Variants in CHEK2 observed in about 807,000 individuals in gnomAD.
The protein encoded by CHEK2 is serine/threonine-protein kinase Chk2.
In CHEK2, 71 loss-of-function variants were observed where a neutral mutation model predicts 69.1. The observed-to-expected ratio is 1.03, with a 90% CI of 0.85 to 1.25. CHEK2 has a LOEUF of 1.25. Ranked by LOEUF, CHEK2 falls within the 50% of genes most tolerant of loss-of-function variation. The pLI is 0.00. For missense variants in CHEK2, 664 were observed against 649.6 expected, an observed-to-expected ratio of 1.02 and a Z score of -0.24; for synonymous variants, 189 against 226.9, an observed-to-expected ratio of 0.83 and a Z score of 1.50.
At position 28,704,162 on chromosome 22, in the gene CHEK2, A is replaced by ACC. The variant is rs1491587653; in HGVS notation, c.847-598_847-597dup. On this transcript the variant is annotated intron_variant, in intron 7 of 14. Coordinates refer to ENST00000404276, the MANE Select transcript of CHEK2 (RefSeq NM_007194.4). The stretch of plus-strand genomic sequence containing the variant: ...CACACACACACACACACACACACAC[A>ACC]CCTATGGCTGATAGTTCATGACCAC... Among the ~76,000 whole-genome samples the ACC allele has an allele frequency of 2.4e-3, 337 of 138,702 alleles. 2 individuals are homozygous for ACC. Among genetic ancestry groups the ACC allele is most frequent in the Non-Finnish European group, 5.7e-4 (36 of 63,164 alleles). 91.0% of individuals were successfully genotyped at this position (138,702 alleles called of 152,430 possible).
At chr22:28,692,236 T>C (rs2052393957) in intron 13 of CHEK2, among the ~76,000 whole-genome samples, 1 of 152,190 alleles carries the variant, frequency 6.6e-6, no homozygotes, top group African/African-American at 2.4e-5. Flanking sequence ...TACCTCTACA[T>C]TTAGACCCAA....
At chr22:28,722,122 G>A (rs993810811) in intron 4 of CHEK2, among the ~76,000 whole-genome samples, 1 of 152,046 alleles carries the variant, frequency 6.6e-6, no homozygotes, top group Non-Finnish European at 1.5e-5. Context: ...AGACCAATGA[G>A]AAGGTGGCAC....
chr22:28,693,051 G>A (rs894836640), intron 13 of CHEK2, among the ~76,000 whole-genome samples: 2 of 151,960 alleles, frequency 1.3e-5, no homozygotes, highest in African/African-American at 4.8e-5. Context: ...ACCCAGTCTT[G>A]GGCAGTTCTT....
intron 5 of CHEK2, among the ~76,000 whole-genome samples, chr22:28,718,172 G>GA (rs963727038): frequency 1.9e-4 from 29 of 152,148 alleles, no homozygotes; most frequent in African/African-American, 7.0e-4. Context: ...CATGATGTAT[G>GA]AAAAATGCTC....
rs2145749845 is a variant in CHEK2 at position 28,689,182 on chromosome 22, G to A, written c.1495C>T (p.Leu499=). 1 of 1,594,340 alleles carries A rather than the reference G, an allele frequency of 6.3e-7. No individual in the cohort carries two copies. The highest frequency in any genetic ancestry group is 2.2e-5 in the East Asian group (1 of 44,846). The change falls in exon 14 of 15, where the codon CTG becomes TTG. Residue 499 remains leucine, a synonymous_variant. Coordinates refer to ENST00000404276, the MANE Select transcript of CHEK2 (RefSeq NM_007194.4). ...EDMKRKFQDL[L]SEENESTALP... is the part of the protein sequence containing the mutation. ...GCTGTGGATTCATTTTCCTCAGACA[G>A]AAGATCTTGAAACTTTCTCTTCATG...
chr22:28,700,079 T>C (rs1190272031), intron 8 of CHEK2, 142 bp from the exon 9 acceptor site: 6 of 641,528 alleles, frequency 9.4e-6, no homozygotes, highest in Admixed American at 2.6e-5. Flanking sequence ...TTTTTAAAAC[T>C]AATAAGGTTT....
intron 2 of CHEK2, chr22:28,726,468 AATTT>A (rs1459441093): frequency 2.7e-5 from 4 of 146,336 alleles, no homozygotes; most frequent in Non-Finnish European, 6.0e-5. Context: ...ATGTTATATA[AATTT>A]ATTTTATAAG....
At chr22:28,717,685 G>A (rs950196526) in intron 5 of CHEK2, among the ~76,000 whole-genome samples, 6 of 152,012 alleles carry the variant, frequency 3.9e-5, no homozygotes, top group Admixed American at 6.6e-5. Flanking sequence ...GACCAGCCAG[G>A]CCAACATGGT....
At chr22:28,692,339 T>C (rs959606786) in intron 13 of CHEK2, among the ~76,000 whole-genome samples, 4 of 152,206 alleles carry the variant, frequency 2.6e-5, no homozygotes, top group African/African-American at 9.6e-5. Flanking sequence ...GCACCCTTTG[T>C]TTCCAAACCC....
At chr22:28,734,173 G>A (rs1601850290) in intron 2 of CHEK2, among the ~76,000 whole-genome samples, 2 of 152,146 alleles carry the variant, frequency 1.3e-5, no homozygotes, top group African/African-American at 2.4e-5. Flanking sequence ...CAAGGGCTCT[G>A]CAGCCACTTG....
chr22:28,736,689 C>G (rs570797311), intron 1 of CHEK2, among the ~76,000 whole-genome samples: 1 of 152,262 alleles, frequency 6.6e-6, no homozygotes, highest in East Asian at 1.9e-4. Flanking sequence ...CCTGTAATCC[C>G]AGCACTTTGG....
At chr22:28,731,563 T>C (rs2054216430) in intron 2 of CHEK2, among the ~76,000 whole-genome samples, 1 of 152,128 alleles carries the variant, frequency 6.6e-6, no homozygotes, top group Non-Finnish European at 1.5e-5. Context: ...ACCACTGCAC[T>C]CCAGCCTGGG....
chr22:28,719,950 G>A (rs1322301496), intron 4 of CHEK2, among the ~76,000 whole-genome samples: 1 of 151,962 alleles, frequency 6.6e-6, no homozygotes, highest in Non-Finnish European at 1.5e-5. Context: ...TCATCTCTCA[G>A]CCATTTATAC....
chr22:28,729,233 C>A, intron 2 of CHEK2: 1 of 250,884 alleles, frequency 4.0e-6, no homozygotes, highest in South Asian at 3.4e-5. Context: ...AAAAAGATTA[C>A]AAATGACCAA....
chr22:28,735,088 T>C (rs2054356977), intron 1 of CHEK2, among the ~76,000 whole-genome samples: 1 of 152,090 alleles, frequency 6.6e-6, no homozygotes, highest in Non-Finnish European at 1.5e-5. Context: ...AATGTACTGA[T>C]ACAATCAACA....
chr22:28,738,491 G>C (rs1406047167), intron 1 of CHEK2, among the ~76,000 whole-genome samples: 1 of 152,160 alleles, frequency 6.6e-6, no homozygotes, highest in Non-Finnish European at 1.5e-5. Flanking sequence ...TTTCTCATCT[G>C]AAAATAAGTA....
intron 5 of CHEK2, among the ~76,000 whole-genome samples, chr22:28,714,889 G>A (rs1027212145): frequency 4.6e-5 from 7 of 152,096 alleles, no homozygotes; most frequent in African/African-American, 1.4e-4. Flanking sequence ...CCCTTCTCCT[G>A]GAAACAGTCA....
intron 8 of CHEK2, 151 bp from the exon 9 acceptor site, chr22:28,700,088 T>G: frequency 1.6e-6 from 1 of 621,222 alleles, no homozygotes; most frequent in Non-Finnish European, 2.9e-6. Context: ...CTAATAAGGT[T>G]TATTCACAAT....
intron 2 of CHEK2, among the ~76,000 whole-genome samples, chr22:28,726,745 C>T (rs911831197): frequency 6.9e-6 from 1 of 145,672 alleles, no homozygotes; most frequent in African/African-American, 2.6e-5. Flanking sequence ...TATTACCTTC[C>T]TGAGGTTTTC....
Sources: allele counts gnomAD v4.1 joint callset (sites outside exome capture counted in the v4.1 genomes callset), GRCh38; gene constraint gnomAD v4.1.1; transcripts MANE v1.5; gene names NCBI Gene and HGNC (gene_info 2026-07-23, HGNC 2026-07-21).